The following ETV6 variants were observed in gnomAD, a reference collection of about 807,000 sequenced individuals.
The protein encoded by ETV6 is ETS variant transcription factor 6.
A neutral mutation model predicts 51.1 loss-of-function variants in ETV6; 16 were observed. The ratio of observed to expected loss-of-function variants is 0.31; its 90% CI spans 0.21 to 0.48. The LOEUF is 0.48. Among genes scored for constraint, ETV6 ranks in the 20% least tolerant of loss-of-function variants. The probability of loss-of-function intolerance (pLI) is 0.99; values close to 1 mark genes in which losing one functional copy is unlikely to be tolerated. For synonymous variants in ETV6, 240 were observed against 224.1 expected (o/e 1.07, Z -0.64); for missense variants, 458 against 594.8 (o/e 0.77, Z 2.39).
chr12:11,701,658 A>G (rs1864984675), intron 1 of ETV6, among the ~76,000 whole-genome samples: 1 of 152,152 alleles, frequency 6.6e-6, no homozygotes, highest in Non-Finnish European at 1.5e-5. Context: ...TCGCTTAGCA[A>G]CTGAGCAGCT....
intron 2 of ETV6, among the ~76,000 whole-genome samples, chr12:11,819,865 G>T (rs1565538378): frequency 6.6e-6 from 1 of 152,156 alleles, no homozygotes; most frequent in Non-Finnish European, 1.5e-5. Flanking sequence ...TCTCTACTCT[G>T]CAGCTGGAGT....
At chr12:11,826,048 C>G (rs1252833819) in intron 2 of ETV6, among the ~76,000 whole-genome samples, 7 of 152,016 alleles carry the variant, frequency 4.6e-5, no homozygotes, top group Admixed American at 2.0e-4. Context: ...GTTGCCCAGG[C>G]TGGTCTCGAA....
intron 1 of ETV6, among the ~76,000 whole-genome samples, chr12:11,743,531 A>G (rs1002795906): frequency 2.0e-5 from 3 of 152,164 alleles, no homozygotes; most frequent in African/African-American, 7.2e-5. Flanking sequence ...GGGGCTGCCT[A>G]GAGCCTGGGC....
intron 2 of ETV6, among the ~76,000 whole-genome samples, chr12:11,822,160 C>T (rs538610382): frequency 3.3e-5 from 5 of 152,264 alleles, no homozygotes; most frequent in African/African-American, 9.6e-5. Flanking sequence ...GCGCCTGATC[C>T]GGGACGCGAG....
intron 5 of ETV6, among the ~76,000 whole-genome samples, chr12:11,874,599 T>C (rs1469102359): frequency 2.8e-4 from 4 of 14,542 alleles, no homozygotes; most frequent in African/African-American, 3.5e-4. Flanking sequence ...TACACATATA[T>C]GTGTATGTGC....
chr12:11,732,203 C>T (rs368708691), intron 1 of ETV6, among the ~76,000 whole-genome samples: 3 of 152,236 alleles, frequency 2.0e-5, no homozygotes, highest in East Asian at 1.9e-4. Context: ...GTTCGAGGTA[C>T]GTGGAAATGT....
chr12:11,664,334 A>T (rs534383831), intron 1 of ETV6, among the ~76,000 whole-genome samples: 28 of 151,970 alleles, frequency 1.8e-4, no homozygotes, highest in African/African-American at 6.3e-4. Context: ...GTTTTTATTT[A>T]TTTATTTTTG....
intron 2 of ETV6, among the ~76,000 whole-genome samples, chr12:11,754,848 G>A (rs922915588): frequency 4.6e-5 from 7 of 152,274 alleles, no homozygotes; most frequent in Non-Finnish European, 8.8e-5. Context: ...AGCAGGCACT[G>A]TGTGAAGTCC....
At position 11,750,792 on chromosome 12, in the gene ETV6, C is replaced by CTTTTTTTTTT. The variant is rs6144613; in HGVS notation, c.34-1642_34-1633dup. ...ATTTTATGTTTCCTATATGTGTGGG[C>CTTTTTTTTTT]TTTTTTTTTTTTTTTTTTTTTTTTT... On this transcript the variant is annotated intron_variant, in intron 1 of 7. Transcript: ENST00000396373. 160 of 370,014 alleles carry CTTTTTTTTTT rather than the reference C, an allele frequency of 4.3e-4. 2 individuals carry two copies. The highest frequency in any genetic ancestry group is 7.1e-4 in the African/African-American group (21 of 29,750). 22.9% of individuals were successfully genotyped at this position (370,014 alleles called of 1,614,324 possible).
chr12:11,889,119 G>A (rs1019596603), intron 7 of ETV6, among the ~76,000 whole-genome samples: 1 of 152,122 alleles, frequency 6.6e-6, no homozygotes, highest in African/African-American at 2.4e-5. Flanking sequence ...GGGTGGTTTG[G>A]GGGGCCAAGC....
At chr12:11,815,413 T>C (rs1222179031) in intron 2 of ETV6, among the ~76,000 whole-genome samples, 2 of 152,226 alleles carry the variant, frequency 1.3e-5, no homozygotes, top group African/African-American at 2.4e-5. Flanking sequence ...GAGAGTCCTC[T>C]TGGAGGACAC....
At chr12:11,868,319 A>G (rs1946821674) in intron 4 of ETV6, among the ~76,000 whole-genome samples, 1 of 152,148 alleles carries the variant, frequency 6.6e-6, no homozygotes, top group South Asian at 2.1e-4. Context: ...GACCTTGGGT[A>G]AGTTATTTAA....
chr12:11,806,921 G>A (rs954846310), intron 2 of ETV6, among the ~76,000 whole-genome samples: 1 of 152,196 alleles, frequency 6.6e-6, no homozygotes, highest in Non-Finnish European at 1.5e-5. Flanking sequence ...TGACAATCCC[G>A]AACAAGCTAA....
At chr12:11,803,161 C>T (rs1945776003) in intron 2 of ETV6, among the ~76,000 whole-genome samples, 1 of 152,136 alleles carries the variant, frequency 6.6e-6, no homozygotes, top group African/African-American at 2.4e-5. Context: ...GCTTGGTGCT[C>T]TTTGCTTTGT....
chr12:11,848,024 A>G (rs1946489580), intron 3 of ETV6, among the ~76,000 whole-genome samples: 1 of 152,218 alleles, frequency 6.6e-6, no homozygotes, highest in Admixed American at 6.5e-5. Context: ...GACTTTGTAA[A>G]ACTTACGCAT....
At chr12:11,658,894 T>G (rs1864049002) in intron 1 of ETV6, among the ~76,000 whole-genome samples, 1 of 152,262 alleles carries the variant, frequency 6.6e-6, no homozygotes, top group Non-Finnish European at 1.5e-5. Context: ...TACTGTACAG[T>G]GAGTCTAACT....
At chr12:11,877,530 G>A (rs1034763759) in intron 5 of ETV6, among the ~76,000 whole-genome samples, 13 of 152,110 alleles carry the variant, frequency 8.5e-5, no homozygotes, top group Admixed American at 1.3e-4. Context: ...AGGGTTGTGG[G>A]ATGTCCCCAG....
In ETV6 at chr12:11,869,701, G is replaced by C; in HGVS notation, c.741G>C (p.Ala247=). ...CCATGGAGAATAATCACTGCCCAGC[G>C]TCCTCCGAGTCCCACCCGAAGCCAT... The part of the protein sequence containing the change: ...VSPMENNHCP[A]SSESHPKPSS... Residue 247 remains alanine, a synonymous_variant, in exon 5 of 8, where the codon GCG becomes GCC. Transcript: ENST00000396373. This position sits in a 1 kb window ranked among gnomAD's most constrained non-coding sequence, Gnocchi z 5.0. 7 of 1,614,018 alleles carry C rather than the reference G, an allele frequency of 4.3e-6. No homozygotes were observed. The highest frequency in any genetic ancestry group is 5.9e-6 in the Non-Finnish European group (7 of 1,180,014).
In ETV6 at chr12:11,890,966, A is replaced by G. The variant is rs1372110565; in HGVS notation, c.1279A>G (p.Met427Val). Reference protein sequence around the residue: ...FRFMKTPDEIMSGRTDRLEHL... With the variant: ...FRFMKTPDEIVSGRTDRLEHL... ...GTTTATGAAAACCCCAGATGAAATC[A>G]TGAGTGGCCGAACAGACCGTCTGGA... The change falls in exon 8 of 8, where the codon ATG becomes GTG. Residue 427 changes from methionine to valine, a missense_variant. This residue lies in a region of ETV6 where 55 missense variants were observed against 151.2 expected (regional missense o/e 0.36). Coordinates refer to ENST00000396373, the MANE Select transcript of ETV6 (RefSeq NM_001987.5). 1.9e-6 allele frequency: 3 copies of G among 1,613,856 alleles called. No individual in the cohort carries two copies. Among genetic ancestry groups the G allele is most frequent in the Non-Finnish European group, 1.7e-6 (2 of 1,179,816 alleles).
Sources: gnomAD v4.1 joint callset for allele counts (sites outside exome capture counted in the v4.1 genomes callset) on GRCh38, gnomAD v4.1.1 for gene constraint, gnomAD v4.1.1 regional missense constraint, Gnocchi (gnomAD v3.1) non-coding constraint, MANE v1.5 for transcripts, NCBI Gene and HGNC (gene_info 2026-07-23, HGNC 2026-07-21) for gene names.